UNC79: variants seen among roughly 807,000 people sequenced by gnomAD.
UNC79 encodes protein unc-79 homolog.
UNC79 carries 37 observed loss-of-function variants against 283.1 expected under a neutral mutation model. The ratio of observed to expected loss-of-function variants is 0.13; its 90% CI spans 0.10 to 0.17. UNC79 has a LOEUF of 0.17. Ranked by LOEUF, UNC79 falls within the 10% of genes least tolerant of loss-of-function variation. The probability of loss-of-function intolerance (pLI) is 1.00; values close to 1 mark genes in which losing one functional copy is unlikely to be tolerated. For missense variants in UNC79, 2,272 were observed against 3,211.1 expected (o/e 0.71, Z 7.07); for synonymous variants, 1,107 against 1,200.2 (o/e 0.92, Z 1.61).
intron 14 of UNC79, among the ~76,000 whole-genome samples, chr14:93,559,754 ATTCTTCACT>A (rs2062427125): frequency 6.6e-6 from 1 of 152,150 alleles, no homozygotes; most frequent in Non-Finnish European, 1.5e-5. Flanking sequence ...TTCTTTTGTG[ATTCTTCACT>A]TTCTTCGGGC....
At chr14:93,658,404 C>T (rs971350013) in intron 38 of UNC79, among the ~76,000 whole-genome samples, 3 of 152,146 alleles carry the variant, frequency 2.0e-5, no homozygotes, top group African/African-American at 7.2e-5. Flanking sequence ...TCTGGGATTC[C>T]ACTTGGAAAA....
At chr14:93,628,814 C>T (rs906035033) in intron 30 of UNC79, among the ~76,000 whole-genome samples, 12 of 152,212 alleles carry the variant, frequency 7.9e-5, no homozygotes, top group Non-Finnish European at 1.6e-4. Context: ...AAGATTGCCT[C>T]GCTAACAGAA....
chr14:93,354,447 C>CAT (rs1405911864), intron 1 of UNC79, among the ~76,000 whole-genome samples: 1 of 152,182 alleles, frequency 6.6e-6, no homozygotes, highest in Non-Finnish European at 1.5e-5. Context: ...GTATAATGCA[C>CAT]ATATTTCAAT....
intron 1 of UNC79, among the ~76,000 whole-genome samples, chr14:93,335,905 T>A: frequency 6.6e-6 from 1 of 152,230 alleles, no homozygotes; most frequent in Non-Finnish European, 1.5e-5. Context: ...AACAGTGAAC[T>A]TCTGTGGCTT....
intron 1 of UNC79, among the ~76,000 whole-genome samples, chr14:93,460,691 T>A (rs1477836991): frequency 6.6e-6 from 1 of 151,910 alleles, no homozygotes; most frequent in Non-Finnish European, 1.5e-5. Flanking sequence ...GACTCAGCAA[T>A]CCCATAACTA....
At chr14:93,503,620 T>G (rs1220451996) in intron 7 of UNC79, among the ~76,000 whole-genome samples, 1 of 152,074 alleles carries the variant, frequency 6.6e-6, no homozygotes, top group South Asian at 2.1e-4. Context: ...TAGAAGTATC[T>G]TATGATTATA....
At chr14:93,366,248 C>G (rs749972947) in intron 1 of UNC79, among the ~76,000 whole-genome samples, 28 of 152,150 alleles carry the variant, frequency 1.8e-4, no homozygotes, top group Non-Finnish European at 3.5e-4. Flanking sequence ...CCTTCCTTGT[C>G]TGAGCAAAGA....
intron 1 of UNC79, among the ~76,000 whole-genome samples, chr14:93,381,361 G>C (rs927614164): frequency 4.6e-5 from 7 of 152,200 alleles, no homozygotes; most frequent in African/African-American, 1.2e-4. Flanking sequence ...AAAGGCTAGT[G>C]AGAGGAACTT....
chr14:93,661,935 G>C (rs773832906), intron 39 of UNC79, among the ~76,000 whole-genome samples: 1 of 152,132 alleles, frequency 6.6e-6, no homozygotes, highest in South Asian at 2.1e-4. Context: ...TGTCTCCCAG[G>C]ATAGTTATGA....
intron 1 of UNC79, chr14:93,396,990 C>T (rs2055012180): frequency 1.3e-5 from 2 of 152,080 alleles, no homozygotes; most frequent in South Asian, 4.1e-4. Flanking sequence ...CATCTAGGTT[C>T]CTAGGAATAT....
At chr14:93,389,594 G>T (rs2054842776) in intron 1 of UNC79, among the ~76,000 whole-genome samples, 2 of 151,794 alleles carry the variant, frequency 1.3e-5, no homozygotes, top group African/African-American at 4.8e-5. Flanking sequence ...AAATGGGAGG[G>T]CCTTACACAG....
intron 23 of UNC79, among the ~76,000 whole-genome samples, chr14:93,595,469 A>G (rs2065008917): frequency 6.6e-6 from 1 of 152,102 alleles, no homozygotes; most frequent in East Asian, 1.9e-4. Context: ...AGACTCCTTA[A>G]ACTGCCATTC....
chr14:93,343,926 G>T (rs886968105), intron 1 of UNC79, among the ~76,000 whole-genome samples: 1 of 148,886 alleles, frequency 6.7e-6, no homozygotes, highest in African/African-American at 2.5e-5. Context: ...AATTGTAGAG[G>T]TTTGAGTTAA....
intron 5 of UNC79, among the ~76,000 whole-genome samples, chr14:93,493,891 ATATATATATAT>A (rs1288191517): frequency 3.1e-5 from 2 of 64,224 alleles, no homozygotes; most frequent in Non-Finnish European, 6.4e-5. Flanking sequence ...ATATATATAT[ATATATATATAT>A]TTTTTTTTTT....
intron 14 of UNC79, among the ~76,000 whole-genome samples, chr14:93,566,059 G>T (rs1411299204): frequency 6.6e-6 from 1 of 152,198 alleles, no homozygotes; most frequent in African/African-American, 2.4e-5. Flanking sequence ...GAGTCTTGGG[G>T]AGGCTGGAGG....
chr14:93,566,608 G>A (rs1435730099), intron 14 of UNC79, among the ~76,000 whole-genome samples: 3 of 151,098 alleles, frequency 2.0e-5, no homozygotes, highest in Non-Finnish European at 2.9e-5. Context: ...ACCTTGGTTC[G>A]ATTTTGGATA....
At chr14:93,435,531 C>G (rs1037970669) in intron 1 of UNC79, among the ~76,000 whole-genome samples, 1 of 152,196 alleles carries the variant, frequency 6.6e-6, no homozygotes, top group Non-Finnish European at 1.5e-5. Flanking sequence ...CTCCCACATA[C>G]AATTTTCTAG....
intron 1 of UNC79, among the ~76,000 whole-genome samples, chr14:93,424,532 A>C (rs113821913): frequency 2.0e-5 from 3 of 152,366 alleles, no homozygotes; most frequent in African/African-American, 7.2e-5. Flanking sequence ...TCAGCCATAA[A>C]AAAGAATGAG....
intron 8 of UNC79, among the ~76,000 whole-genome samples, chr14:93,525,512 T>A (rs1359938619): frequency 6.6e-6 from 1 of 152,074 alleles, no homozygotes; most frequent in African/African-American, 2.4e-5. Context: ...CCCATTCTAC[T>A]GTGTGCACCC....
Sources: gnomAD v4.1 joint callset for allele counts (sites outside exome capture counted in the v4.1 genomes callset) on GRCh38, gnomAD v4.1.1 for gene constraint, MANE v1.5 for transcripts, NCBI Gene and HGNC (gene_info 2026-07-23, HGNC 2026-07-21) for gene names.